Variants in SPATA6 observed in about 807,000 individuals in gnomAD.
SPATA6 encodes the protein spermatogenesis associated 6.
Under a neutral mutation model 65.3 loss-of-function variants are expected in SPATA6, and 56 were observed. That is an observed-to-expected ratio of 0.86 (90% confidence interval 0.69 to 1.07). The LOEUF (loss-of-function observed/expected upper bound fraction) is 1.07, where lower values mean the gene tolerates loss of function less well. Among genes scored for constraint, SPATA6 ranks in the 50% least tolerant of loss-of-function variants. The probability of loss-of-function intolerance (pLI) is 0.00; values close to 1 mark genes in which losing one functional copy is unlikely to be tolerated. For synonymous variants in SPATA6, 199 were observed against 213.2 expected (o/e 0.93, Z 0.58); for missense variants, 590 against 594.8 (o/e 0.99, Z 0.08).
In SPATA6 at chr1:48,349,408, T is replaced by C. The variant is rs558833298; in HGVS notation, c.1194+6262A>G. On this transcript the variant is annotated intron_variant, in intron 11 of 12. Coordinates refer to ENST00000371847, the MANE Select transcript of SPATA6 (RefSeq NM_019073.4). ...TAAAACATCATATTCCAAAGTTATT[T>C]AGGTCAGTTAATTTAAACATGTCTT... is the stretch of plus-strand genomic sequence containing the variant. 5.6e-4 allele frequency among the ~76,000 whole-genome samples: 85 copies of C among 152,142 alleles called. 1 individual carries two copies. The highest frequency in any genetic ancestry group is 5.6e-3 in the Admixed American group (85 of 15,238).
chr1:48,332,053 C>A (rs1037466890), intron 11 of SPATA6, among the ~76,000 whole-genome samples: 11 of 152,064 alleles, frequency 7.2e-5, no homozygotes, highest in African/African-American at 2.4e-4. Flanking sequence ...TAACACGAGA[C>A]CTACCTTACA....
chr1:48,279,770 C>T, the SPATA6 span, among the ~76,000 whole-genome samples: 2,036 of 152,236 alleles, frequency 0.013, 26 homozygotes, highest in Non-Finnish European at 0.02. Flanking sequence ...TTAGACAGAT[C>T]AACGAGACAG....
intron 3 of SPATA6, among the ~76,000 whole-genome samples, chr1:48,420,650 A>G (rs764088132): frequency 6.6e-6 from 1 of 152,182 alleles, no homozygotes. Context: ...TTGTGGTAAA[A>G]GAGAATAGAG....
chr1:48,281,991 T>C, the SPATA6 span, among the ~76,000 whole-genome samples: 4 of 152,028 alleles, frequency 2.6e-5, no homozygotes, highest in South Asian at 2.1e-4. Context: ...CAGAGATATA[T>C]ATCAATGGAA....
chr1:48,347,084 A>T lies in SPATA6; in HGVS notation c.1194+8586T>A, dbSNP rs1023658384. Among the ~76,000 whole-genome samples, 19 of 152,228 alleles carry T rather than the reference A, an allele frequency of 1.2e-4. No homozygotes were observed. The South Asian group carries it at 3.9e-3, about 31-fold the overall frequency. On this transcript the variant is annotated intron_variant, in intron 11 of 12. Transcript: ENST00000371847. ...CAAACTATACTACAGGGCTACACTA[A>T]CCAAAATAGCATGGTAGTGGTACAA...
intron 11 of SPATA6, among the ~76,000 whole-genome samples, chr1:48,346,414 A>G (rs1646366984): frequency 6.6e-6 from 1 of 152,096 alleles, no homozygotes. Context: ...TGAAAACAGC[A>G]CAAGACAAGA....
rs928302859 is a variant in SPATA6, at chr1:48,380,954, G to A, written c.909+4355C>T. ...ATTTTTCCACGAACTGGTGGGGGGCGGGGAGGATGTCTGGTTTCAGAATGA... is the reference window on the plus strand; with the variant it reads ...ATTTTTCCACGAACTGGTGGGGGGCAGGGAGGATGTCTGGTTTCAGAATGA... On this transcript the variant is annotated intron_variant, in intron 9 of 12. Coordinates refer to ENST00000371847, the MANE Select transcript of SPATA6 (RefSeq NM_019073.4). 2.6e-5 allele frequency among the ~76,000 whole-genome samples: 4 copies of A among 152,142 alleles called. No homozygotes were observed. In the South Asian group the frequency reaches 6.2e-4, roughly 24 times the overall value.
intron 9 of SPATA6, among the ~76,000 whole-genome samples, chr1:48,366,724 T>C (rs1214788472): frequency 1.3e-5 from 2 of 152,224 alleles, no homozygotes; most frequent in Non-Finnish European, 2.9e-5. Flanking sequence ...CTATCAATTT[T>C]GTTGATCTTT....
chr1:48,443,097 T>C (rs996518709), intron 3 of SPATA6, among the ~76,000 whole-genome samples: 1 of 152,222 alleles, frequency 6.6e-6, no homozygotes, highest in African/African-American at 2.4e-5. Context: ...CGCCTAACAA[T>C]TGGTCTGCTC....
At chr1:48,394,807 T>C (rs990297263) in intron 8 of SPATA6, among the ~76,000 whole-genome samples, 1 of 152,016 alleles carries the variant, frequency 6.6e-6, no homozygotes, top group Non-Finnish European at 1.5e-5. Context: ...AATTATACAA[T>C]ACTATTTAAC....
intron 11 of SPATA6, among the ~76,000 whole-genome samples, chr1:48,313,693 C>G (rs998248907): frequency 5.3e-5 from 8 of 151,966 alleles, no homozygotes; most frequent in Non-Finnish European, 8.8e-5. Context: ...CACACATAAC[C>G]ATATTAACAT....
At chr1:48,280,872 C>G in the SPATA6 span, among the ~76,000 whole-genome samples, 1 of 152,144 alleles carries the variant, frequency 6.6e-6, no homozygotes, top group African/African-American at 2.4e-5. Flanking sequence ...CGAGCAGAGA[C>G]ACAACCAAAA....
intron 3 of SPATA6, among the ~76,000 whole-genome samples, chr1:48,421,041 G>T (rs1158896936): frequency 1.3e-5 from 2 of 152,104 alleles, no homozygotes; most frequent in Non-Finnish European, 2.9e-5. Flanking sequence ...GCTTGGGTAG[G>T]TTAAGAGGAA....
chr1:48,410,259 A>G (rs1021554347), intron 5 of SPATA6, among the ~76,000 whole-genome samples: 3 of 152,200 alleles, frequency 2.0e-5, no homozygotes, highest in Admixed American at 2.0e-4. Context: ...TCTTTGCTAA[A>G]GCATAGCAAG....
chr1:48,460,077 C>T (rs1316246338), intron 1 of SPATA6, among the ~76,000 whole-genome samples: 1 of 151,878 alleles, frequency 6.6e-6, no homozygotes, highest in African/African-American at 2.4e-5. Context: ...CTCCAGGAAT[C>T]CTCTCACCTC....
intron 9 of SPATA6, among the ~76,000 whole-genome samples, chr1:48,365,366 T>A (rs1202479287): frequency 6.6e-6 from 1 of 152,188 alleles, no homozygotes; most frequent in Non-Finnish European, 1.5e-5. Flanking sequence ...GGGGGTGGCA[T>A]TGAATCTGTA....
chr1:48,307,450 T>C (rs1488956279), intron 11 of SPATA6, among the ~76,000 whole-genome samples: 1 of 149,922 alleles, frequency 6.7e-6, no homozygotes, highest in South Asian at 2.1e-4. Flanking sequence ...CAAGGACCCA[T>C]CTTTTGTAAG....
chr1:48,284,953 C>A, the SPATA6 span, among the ~76,000 whole-genome samples: 1 of 152,144 alleles, frequency 6.6e-6, no homozygotes, highest in Admixed American at 6.5e-5. Context: ...AGAGCTCGAG[C>A]GCTGTGCTGA....
At chr1:48,285,477 G>GAA in the SPATA6 span, among the ~76,000 whole-genome samples, 2 of 127,734 alleles carry the variant, frequency 1.6e-5, no homozygotes, top group Non-Finnish European at 1.6e-5. Flanking sequence ...ACTGGGGTAT[G>GAA]AAAAAAAAAA....
Sources: gnomAD v4.1 joint callset for allele counts (sites outside exome capture counted in the v4.1 genomes callset) on GRCh38, gnomAD v4.1.1 for gene constraint, MANE v1.5 for transcripts, NCBI Gene and HGNC (gene_info 2026-07-23, HGNC 2026-07-21) for gene names.